CAB39: variants seen among roughly 807,000 people sequenced by gnomAD.
CAB39 encodes the protein calcium-binding protein 39.
A neutral mutation model predicts 40.0 loss-of-function variants in CAB39; 8 were observed. The observed-to-expected ratio is 0.20, with a 90% CI of 0.12 to 0.36. CAB39 has a LOEUF of 0.36. CAB39 is among the 10% of genes least tolerant of loss of function. The pLI is 1.00. For synonymous variants in CAB39, 156 were observed against 141.6 expected (o/e 1.10, Z -0.72); for missense variants, 270 against 401.1 (o/e 0.67, Z 2.79).
chr2:230,724,099 T>C (rs979634560), intron 1 of CAB39, among the ~76,000 whole-genome samples: 10 of 151,496 alleles, frequency 6.6e-5, no homozygotes, highest in African/African-American at 9.7e-5. Context: ...ATACAAAAAT[T>C]AGCTGAGTGT....
chr2:230,791,749 G>A (rs926173058), intron 3 of CAB39, among the ~76,000 whole-genome samples: 4 of 152,272 alleles, frequency 2.6e-5, no homozygotes, highest in African/African-American at 9.6e-5. Flanking sequence ...GCCCTGGTAG[G>A]CATTTGACAT....
intron 1 of CAB39, among the ~76,000 whole-genome samples, chr2:230,758,691 CAA>C (rs1297192473): frequency 2.6e-5 from 4 of 152,006 alleles, no homozygotes; most frequent in Admixed American, 6.6e-5. Context: ...AAGGGGAAAA[CAA>C]AGTGGGGTTG....
At chr2:230,787,664 A>G (rs1430310775) in intron 2 of CAB39, among the ~76,000 whole-genome samples, 2 of 152,218 alleles carry the variant, frequency 1.3e-5, no homozygotes, top group East Asian at 3.8e-4. Flanking sequence ...CTTGGGCTGC[A>G]CTAACATTTG....
intron 2 of CAB39, among the ~76,000 whole-genome samples, chr2:230,773,000 A>C (rs1225266155): frequency 6.6e-6 from 1 of 151,902 alleles, no homozygotes; most frequent in African/African-American, 2.4e-5. Context: ...AAAAAAAAAA[A>C]AAACTATTGC....
At chr2:230,784,661 C>A (rs552186181) in intron 2 of CAB39, among the ~76,000 whole-genome samples, 1 of 152,124 alleles carries the variant, frequency 6.6e-6, no homozygotes, top group East Asian at 1.9e-4. Flanking sequence ...CGGGTGTAAT[C>A]AGCAATTCCG....
chr2:230,748,831 AATATAT>A (rs71052546), intron 1 of CAB39, among the ~76,000 whole-genome samples: 106 of 28,422 alleles, frequency 3.7e-3, no homozygotes, highest in African/African-American at 9.7e-3. Flanking sequence ...AAAAAAAAAA[AATATAT>A]ATATATATAT....
chr2:230,724,887 C>T (rs1486519996), intron 1 of CAB39, among the ~76,000 whole-genome samples: 2 of 150,710 alleles, frequency 1.3e-5, no homozygotes, highest in Non-Finnish European at 3.0e-5. Context: ...AGGGATGGGG[C>T]CGGGAATCCA....
intron 1 of CAB39, among the ~76,000 whole-genome samples, chr2:230,757,177 C>T (rs1280654055): frequency 6.6e-6 from 1 of 152,100 alleles, no homozygotes; most frequent in Non-Finnish European, 1.5e-5. Context: ...GTACAGTCAC[C>T]ACCTCTTAGG....
intron 3 of CAB39, 55 bp downstream of exon 3, chr2:230,791,091 C>T: frequency 7.9e-7 from 1 of 1,264,582 alleles, no homozygotes; most frequent in Non-Finnish European, 1.1e-6. Flanking sequence ...TAATTCTTTT[C>T]CATACGTTCT....
intron 1 of CAB39, among the ~76,000 whole-genome samples, chr2:230,728,365 CTT>C (rs781685757): frequency 4.1e-5 from 6 of 147,364 alleles, no homozygotes; most frequent in African/African-American, 7.4e-5. Flanking sequence ...CCAAATTTAT[CTT>C]TTTTTTTTTT....
intron 1 of CAB39, among the ~76,000 whole-genome samples, chr2:230,721,719 G>A (rs923839251): frequency 6.6e-6 from 1 of 152,182 alleles, no homozygotes; most frequent in Non-Finnish European, 1.5e-5. Flanking sequence ...GTTAAACATA[G>A]TTAAACAGAG....
intron 1 of CAB39, among the ~76,000 whole-genome samples, chr2:230,747,949 C>T (rs1695004784): frequency 6.6e-6 from 1 of 152,170 alleles, no homozygotes; most frequent in African/African-American, 2.4e-5. Flanking sequence ...GTCATAATAC[C>T]TAACAGAATT....
intron 2 of CAB39, among the ~76,000 whole-genome samples, chr2:230,772,341 AC>A (rs1294709433): frequency 1.3e-5 from 2 of 152,222 alleles, no homozygotes; most frequent in African/African-American, 4.8e-5. Flanking sequence ...GTGTAGTAAA[AC>A]CATAAGGAGA....
chr2:230,764,011 A>G (rs1189898873), intron 2 of CAB39, among the ~76,000 whole-genome samples: 1 of 151,986 alleles, frequency 6.6e-6, no homozygotes, highest in Non-Finnish European at 1.5e-5. Flanking sequence ...AGTCCCAGCT[A>G]CTCAGGAGGC....
At chr2:230,734,315 A>G (rs1694747034) in intron 1 of CAB39, among the ~76,000 whole-genome samples, 2 of 152,086 alleles carry the variant, frequency 1.3e-5, no homozygotes, top group African/African-American at 2.4e-5. Context: ...TTTCCACCTG[A>G]TAGAAAATCT....
At chr2:230,734,654 C>T (rs753290050) in intron 1 of CAB39, among the ~76,000 whole-genome samples, 2 of 152,144 alleles carry the variant, frequency 1.3e-5, no homozygotes, top group African/African-American at 2.4e-5. Flanking sequence ...TTATTTGACC[C>T]AGACCACATC....
At chr2:230,801,631 G>A (rs1383989671) in intron 5 of CAB39, among the ~76,000 whole-genome samples, 1 of 152,108 alleles carries the variant, frequency 6.6e-6, no homozygotes, top group Non-Finnish European at 1.5e-5. Context: ...CACCACTTTG[G>A]GAGGCTGAGG....
At chr2:230,720,584 C>T (rs895026976) in intron 1 of CAB39, among the ~76,000 whole-genome samples, 1 of 152,070 alleles carries the variant, frequency 6.6e-6, no homozygotes, top group African/African-American at 2.4e-5. Flanking sequence ...TACAGGTGCG[C>T]GCCACCATGC....
chr2:230,816,125 T>C (rs1575966903), intron 7 of CAB39, among the ~76,000 whole-genome samples: 1 of 152,114 alleles, frequency 6.6e-6, no homozygotes, highest in African/African-American at 2.4e-5. Context: ...AAAAATTAAT[T>C]AGCCAGGTGT....
Sources: allele counts gnomAD v4.1 joint callset (sites outside exome capture counted in the v4.1 genomes callset), GRCh38; gene constraint gnomAD v4.1.1; transcripts MANE v1.5; gene names NCBI Gene and HGNC (gene_info 2026-07-23, HGNC 2026-07-21).